Variants in IL1RAPL2 observed in about 807,000 individuals in gnomAD.
The protein encoded by IL1RAPL2 is interleukin 1 receptor accessory protein like 2.
IL1RAPL2 carries 3 observed loss-of-function variants against 44.1 expected under a neutral mutation model. The ratio of observed to expected loss-of-function variants is 0.07; its 90% CI spans 0.03 to 0.18. The LOEUF (loss-of-function observed/expected upper bound fraction) is 0.18, where lower values mean the gene tolerates loss of function less well. Among genes scored for constraint, IL1RAPL2 ranks in the 10% least tolerant of loss-of-function variants. The pLI is 1.00. For missense variants in IL1RAPL2, 391 were observed against 496.4 expected, an observed-to-expected ratio of 0.79 and a Z score of 2.02; for synonymous variants, 181 against 178.8, an observed-to-expected ratio of 1.01 and a Z score of -0.10.
intron 2 of IL1RAPL2, among the ~76,000 whole-genome samples, chrX:104,678,203 A>G (rs1049875033): frequency 8.9e-6 from 1 of 112,827 alleles, no homozygotes; most frequent in African/African-American, 3.2e-5. Flanking sequence ...AATGCTGTGT[A>G]AATGAACAGC....
intron 2 of IL1RAPL2, among the ~76,000 whole-genome samples, chrX:104,671,957 T>A (rs1930613194): frequency 9.0e-6 from 1 of 111,398 alleles, no homozygotes; most frequent in South Asian, 3.8e-4. Flanking sequence ...TCACATAGAC[T>A]TTATAGTTTA....
intron 5 of IL1RAPL2, among the ~76,000 whole-genome samples, chrX:105,442,090 G>A (rs2035924397): frequency 9.2e-6 from 1 of 109,030 alleles, no homozygotes; most frequent in African/African-American, 3.4e-5. Flanking sequence ...TCACTCTGTT[G>A]CCCAGGCTGG....
At chrX:105,733,263 G>A (rs1036094921) in intron 7 of IL1RAPL2, among the ~76,000 whole-genome samples, 2 of 111,529 alleles carry the variant, frequency 1.8e-5, no homozygotes, top group Admixed American at 1.9e-4. Context: ...TATAGGTGTG[G>A]TGGGTATTTC....
chrX:105,323,601 C>A (rs979268089), intron 5 of IL1RAPL2, among the ~76,000 whole-genome samples: 1 of 111,618 alleles, frequency 9.0e-6, no homozygotes, highest in Non-Finnish European at 1.9e-5. Flanking sequence ...CTCAGCCAGG[C>A]GCGGTGGCTC....
chrX:105,762,902 T>TAA (rs1199974616), intron 10 of IL1RAPL2, among the ~76,000 whole-genome samples: 8 of 111,099 alleles, frequency 7.2e-5, no homozygotes, highest in African/African-American at 2.6e-4. Flanking sequence ...GTTTCTTTAT[T>TAA]ATCTCTTCGT....
At chrX:104,925,177 A>G (rs1924743985) in intron 2 of IL1RAPL2, among the ~76,000 whole-genome samples, 1 of 106,194 alleles carries the variant, frequency 9.4e-6, no homozygotes, top group African/African-American at 3.4e-5. Context: ...AAACATACCA[A>G]TGAGTAATGA....
At chrX:105,289,214 G>A (rs1225681530) in intron 5 of IL1RAPL2, among the ~76,000 whole-genome samples, 1 of 110,926 alleles carries the variant, frequency 9.0e-6, no homozygotes, top group Non-Finnish European at 1.9e-5. Flanking sequence ...GAGAGTAGTG[G>A]AGAGAAAATT....
rs192456247 is a variant in IL1RAPL2 at position 104,651,864 on chromosome X, C to A, written c.-19-7031C>A. Reference sequence around the variant, plus strand: ...CATCTGGAGATCTGGCAGATAAGGTCTATGGAAAACAAAGAATCCTGTGGA... The same window carrying A: ...CATCTGGAGATCTGGCAGATAAGGTATATGGAAAACAAAGAATCCTGTGGA... On this transcript the variant is annotated intron_variant, in intron 1 of 10. Coordinates refer to ENST00000372582, the MANE Select transcript of IL1RAPL2 (RefSeq NM_017416.2). Among the ~76,000 whole-genome samples the A allele has an allele frequency of 3.9e-3, 437 of 111,473 alleles. 5 individuals are homozygous for A. The highest frequency in any genetic ancestry group is 0.028 in the Middle Eastern group (6 of 218).
chrX:104,806,993 TAC>T (rs1193455976), intron 2 of IL1RAPL2, among the ~76,000 whole-genome samples: 1 of 110,972 alleles, frequency 9.0e-6, no homozygotes, highest in Non-Finnish European at 1.9e-5. Context: ...TGCCAACAGA[TAC>T]AGTTTGAGGT....
At chrX:105,093,258 A>G (rs2032566674) in intron 2 of IL1RAPL2, among the ~76,000 whole-genome samples, 1 of 111,712 alleles carries the variant, frequency 9.0e-6, no homozygotes, top group African/African-American at 3.3e-5. Flanking sequence ...TGTCTAAAAA[A>G]TTCAATTTTA....
At chrX:105,523,734 C>T (rs1443271457) in intron 6 of IL1RAPL2, among the ~76,000 whole-genome samples, 1 of 110,556 alleles carries the variant, frequency 9.0e-6, no homozygotes, top group African/African-American at 3.3e-5. Flanking sequence ...CATAGATAAA[C>T]GCTAGGATAC....
chrX:104,930,159 C>A (rs1924863075), intron 2 of IL1RAPL2, among the ~76,000 whole-genome samples: 1 of 112,314 alleles, frequency 8.9e-6, no homozygotes, highest in Admixed American at 9.5e-5. Context: ...AGAAATTCTG[C>A]TACAATGGTC....
At chrX:105,731,452 C>A (rs2038405416) in intron 7 of IL1RAPL2, among the ~76,000 whole-genome samples, 1 of 110,792 alleles carries the variant, frequency 9.0e-6, no homozygotes, top group Admixed American at 9.6e-5. Flanking sequence ...CCATCAATCC[C>A]ACTACTGGGT....
intron 2 of IL1RAPL2, among the ~76,000 whole-genome samples, chrX:104,707,789 A>G (rs985798911): frequency 1.8e-5 from 2 of 111,894 alleles, no homozygotes; most frequent in Non-Finnish European, 3.8e-5. Context: ...CAAAGTAAAT[A>G]TGTCATTTCT....
chrX:104,608,593 CT>C (rs754247563), intron 1 of IL1RAPL2, among the ~76,000 whole-genome samples: 25 of 107,467 alleles, frequency 2.3e-4, no homozygotes, highest in African/African-American at 7.4e-4. Flanking sequence ...ATGTAATGAA[CT>C]TCTTTGTCTC....
intron 2 of IL1RAPL2, among the ~76,000 whole-genome samples, chrX:104,896,661 G>A (rs777598988): frequency 2.7e-5 from 3 of 111,819 alleles, no homozygotes; most frequent in African/African-American, 9.8e-5. Context: ...TGTGGGTGGG[G>A]CCAGATAAGG....
chrX:105,261,013 C>A (rs758603440), intron 4 of IL1RAPL2, among the ~76,000 whole-genome samples: 1 of 111,857 alleles, frequency 8.9e-6, no homozygotes, highest in Non-Finnish European at 1.9e-5. Context: ...TGCAGCTACC[C>A]TTTCTGGAAA....
chrX:105,608,977 A>G (rs367948765), intron 6 of IL1RAPL2, among the ~76,000 whole-genome samples: 4 of 111,204 alleles, frequency 3.6e-5, no homozygotes, highest in South Asian at 7.6e-4. Context: ...GGACAAACTC[A>G]ACTCCTCTCT....
chrX:104,721,460 A>G (rs1208758343), intron 2 of IL1RAPL2, among the ~76,000 whole-genome samples: 1 of 110,839 alleles, frequency 9.0e-6, no homozygotes, highest in Non-Finnish European at 1.9e-5. Flanking sequence ...GTTCTCACTT[A>G]TAAGTGGGAA....
Sources: gnomAD v4.1 joint callset for allele counts (sites outside exome capture counted in the v4.1 genomes callset) on GRCh38, gnomAD v4.1.1 for gene constraint, MANE v1.5 for transcripts, NCBI Gene and HGNC (gene_info 2026-07-23, HGNC 2026-07-21) for gene names.